Variants in MEGF10 observed in about 807,000 individuals in gnomAD.
MEGF10 encodes multiple epidermal growth factor-like domains protein 10.
A neutral mutation model predicts 147.5 loss-of-function variants in MEGF10; 86 were observed. The observed-to-expected ratio is 0.58, with a 90% CI of 0.49 to 0.70. The LOEUF (loss-of-function observed/expected upper bound fraction) is 0.70, where lower values mean the gene tolerates loss of function less well. Among genes scored for constraint, MEGF10 ranks in the 30% least tolerant of loss-of-function variants. The pLI is 0.00. For synonymous variants in MEGF10, 478 were observed against 525.5 expected, an observed-to-expected ratio of 0.91 and a Z score of 1.24; for missense variants, 1,329 against 1,487.3, an observed-to-expected ratio of 0.89 and a Z score of 1.75.
chr5:127,232,126 A>G, the MEGF10 span, among the ~76,000 whole-genome samples: 1 of 152,250 alleles, frequency 6.6e-6, no homozygotes, highest in Admixed American at 6.5e-5. Context: ...ATTTCAAATA[A>G]GTGGTAACAA....
chr5:127,443,145 G>A lies in MEGF10; in HGVS notation c.2491+19G>A, dbSNP rs763407567. The stretch of plus-strand genomic sequence containing the variant: ...GATCAAGGTAAATATACTAGCTAAT[G>A]TTTGTAGCACTGCAGTATTGTGTGA... On this transcript the variant is annotated intron_variant, in intron 19 of 24. Transcript: ENST00000503335. 2 of 1,608,112 alleles carry A rather than the reference G, an allele frequency of 1.2e-6. No homozygotes were observed. The highest frequency in any genetic ancestry group is 1.7e-5 in the Admixed American group (1 of 59,674).
intron 22 of MEGF10, among the ~76,000 whole-genome samples, chr5:127,450,916 G>C (rs960140110): frequency 1.3e-5 from 2 of 151,996 alleles, no homozygotes; most frequent in Admixed American, 6.6e-5. Flanking sequence ...GCACCACCAT[G>C]CCTGGCTGAT....
chr5:127,396,824 C>T (rs758189351), intron 6 of MEGF10, 46 bp downstream of exon 6: 61 of 1,580,704 alleles, frequency 3.9e-5, no homozygotes, highest in Non-Finnish European at 5.0e-5. Flanking sequence ...CACCCACCCT[C>T]TCCATTCATG....
upstream of MEGF10, among the ~76,000 whole-genome samples, chr5:127,287,589 C>T (rs1182078379): frequency 6.6e-6 from 1 of 151,604 alleles, no homozygotes; most frequent in Non-Finnish European, 1.5e-5. Context: ...TTAAAGAATA[C>T]CTAAATTAAT....
chr5:127,276,845 T>C, the MEGF10 span, among the ~76,000 whole-genome samples: 3 of 151,882 alleles, frequency 2.0e-5, no homozygotes, highest in African/African-American at 7.3e-5. Context: ...AAAGAAAAGG[T>C]AGAGCATGGT....
the MEGF10 span, among the ~76,000 whole-genome samples, chr5:127,247,263 ACAGCAAAGTGTGTGTGT>A: frequency 7.2e-6 from 1 of 138,484 alleles, no homozygotes; most frequent in Non-Finnish European, 1.5e-5. Flanking sequence ...ATTCCAAAAG[ACAGCAAAGTGTGTGTGT>A]GGTTGGGGGG....
chr5:127,337,198 A>G (rs1331046678), intron 2 of MEGF10, among the ~76,000 whole-genome samples: 2 of 152,142 alleles, frequency 1.3e-5, no homozygotes, highest in East Asian at 3.9e-4. Flanking sequence ...ATAGAAAGCC[A>G]GTACATATGT....
At chr5:127,273,337 C>T in the MEGF10 span, among the ~76,000 whole-genome samples, 27 of 152,106 alleles carry the variant, frequency 1.8e-4, no homozygotes, top group Non-Finnish European at 1.3e-4. Context: ...TATTGCCCCA[C>T]GCTGCTGCAT....
At chr5:127,438,008 T>A (rs1765620287) in intron 16 of MEGF10, among the ~76,000 whole-genome samples, 1 of 152,158 alleles carries the variant, frequency 6.6e-6, no homozygotes, top group African/African-American at 2.4e-5. Context: ...CTACCACCAT[T>A]GATTTTTCAT....
chr5:127,330,253 C>T (rs1441816788), intron 1 of MEGF10, among the ~76,000 whole-genome samples: 1 of 152,192 alleles, frequency 6.6e-6, no homozygotes, highest in Non-Finnish European at 1.5e-5. Flanking sequence ...TGGCCTCCCT[C>T]CAAGAGCCTC....
At chr5:127,368,231 A>G (rs1762725030) in intron 4 of MEGF10, among the ~76,000 whole-genome samples, 1 of 152,150 alleles carries the variant, frequency 6.6e-6, no homozygotes, top group Admixed American at 6.5e-5. Flanking sequence ...AATTGCAATG[A>G]AATATGTAAT....
chr5:127,235,731 G>T, the MEGF10 span, among the ~76,000 whole-genome samples: 1 of 152,140 alleles, frequency 6.6e-6, no homozygotes, highest in Non-Finnish European at 1.5e-5. Flanking sequence ...ATGGAAATCT[G>T]TCTCCATACA....
the MEGF10 span, among the ~76,000 whole-genome samples, chr5:127,267,893 G>A: frequency 1.6e-3 from 236 of 152,168 alleles, no homozygotes; most frequent in African/African-American, 5.4e-3. Context: ...TTGATTTTTT[G>A]AAGGATTTTT....
chr5:127,373,469 A>C (rs376537985), intron 5 of MEGF10, among the ~76,000 whole-genome samples: 1 of 152,184 alleles, frequency 6.6e-6, no homozygotes, highest in Non-Finnish European at 1.5e-5. Context: ...TCCCTTTGAC[A>C]TGACTCATCT....
intron 4 of MEGF10, among the ~76,000 whole-genome samples, chr5:127,347,509 T>C (rs1335364527): frequency 1.3e-5 from 2 of 152,040 alleles, no homozygotes; most frequent in African/African-American, 4.8e-5. Flanking sequence ...TCCTAATGCA[T>C]GTATAGGAAC....
At chr5:127,435,621 T>C (rs1765529434) in intron 16 of MEGF10, 132 bp downstream of exon 16, 1 of 932,784 alleles carries the variant, frequency 1.1e-6, no homozygotes, top group Admixed American at 3.8e-5. Flanking sequence ...CATTCTACTT[T>C]AAATTCTTTT....
At chr5:127,282,883 A>G in the MEGF10 span, among the ~76,000 whole-genome samples, 3 of 152,232 alleles carry the variant, frequency 2.0e-5, no homozygotes, top group Non-Finnish European at 4.4e-5. Context: ...TTTGATCTTG[A>G]GAGCATCATG....
At chr5:127,448,190 A>T (rs1766021233) in intron 21 of MEGF10, among the ~76,000 whole-genome samples, 1 of 152,206 alleles carries the variant, frequency 6.6e-6, no homozygotes, top group Non-Finnish European at 1.5e-5. Flanking sequence ...GGGTTGAACC[A>T]CATGAAATTG....
chr5:127,402,554 G>A lies in MEGF10; in HGVS notation c.789G>A (p.Val263=), dbSNP rs1188804374. 2.3e-5 allele frequency: 37 copies of A among 1,613,500 alleles called. No individual in the cohort carries two copies. Among genetic ancestry groups the A allele is most frequent in the Non-Finnish European group, 2.9e-5 (34 of 1,179,776 alleles). Residue 263 remains valine, a synonymous_variant, in exon 8 of 25, where the codon GTG becomes GTA. Transcript: ENST00000503335. ...CSCPSGWMGT[V]CGQPCPEGRF... ...AGTCTCTTTGAATGCAGGGCACAGT[G>A]TGTGGTCAGCCTTGCCCCGAGGGTC...
Sources: allele counts gnomAD v4.1 joint callset (sites outside exome capture counted in the v4.1 genomes callset), GRCh38; gene constraint gnomAD v4.1.1; transcripts MANE v1.5; gene names NCBI Gene and HGNC (gene_info 2026-07-23, HGNC 2026-07-21).